The following RNF144A variants were observed in gnomAD, a reference collection of about 807,000 sequenced individuals.
The protein encoded by RNF144A is ring finger protein 144A.
RNF144A carries 11 observed loss-of-function variants against 38.7 expected under a neutral mutation model. The observed-to-expected ratio is 0.28, with a 90% CI of 0.18 to 0.47. RNF144A has a LOEUF of 0.47. Ranked by LOEUF, RNF144A falls within the 20% of genes least tolerant of loss-of-function variation. The pLI, the probability that RNF144A is intolerant of heterozygous loss-of-function variation, is 0.99. For missense variants in RNF144A, 316 were observed against 377.2 expected (o/e 0.84, Z 1.34); for synonymous variants, 149 against 143.9 (o/e 1.04, Z -0.25).
chr2:7,032,133 T>G (rs925313234), intron 8 of RNF144A, among the ~76,000 whole-genome samples: 1 of 152,244 alleles, frequency 6.6e-6, no homozygotes, highest in African/African-American at 2.4e-5. Flanking sequence ...GTCTAGAGAG[T>G]TGGTTTGAGC....
chr2:7,056,353 C>G (rs1354394244), intron 6 of RNF144A, among the ~76,000 whole-genome samples: 2 of 152,198 alleles, frequency 1.3e-5, no homozygotes, highest in Non-Finnish European at 2.9e-5. Flanking sequence ...ATGCTACCAT[C>G]AATTTCTCAG....
intron 8 of RNF144A, among the ~76,000 whole-genome samples, chr2:7,031,781 G>C (rs540834808): frequency 6.6e-6 from 1 of 152,246 alleles, no homozygotes; most frequent in Non-Finnish European, 1.5e-5. Flanking sequence ...CAGGCGATAA[G>C]ACACGCCTCC....
downstream of RNF144A, among the ~76,000 whole-genome samples, chr2:7,071,315 T>C (rs1002958173): frequency 6.6e-6 from 1 of 152,146 alleles, no homozygotes; most frequent in Non-Finnish European, 1.5e-5. Context: ...AGAAACGCAA[T>C]GGGCAGTGGC....
chr2:6,991,517 A>T (rs948933605), intron 2 of RNF144A, among the ~76,000 whole-genome samples: 11 of 152,320 alleles, frequency 7.2e-5, no homozygotes, highest in African/African-American at 2.6e-4. Flanking sequence ...CATTCAGCTG[A>T]TGAGGATATA....
At chr2:6,994,830 G>T (rs1006236689) in intron 2 of RNF144A, among the ~76,000 whole-genome samples, 1 of 152,164 alleles carries the variant, frequency 6.6e-6, no homozygotes, top group Admixed American at 6.5e-5. Context: ...GCCCACTCCC[G>T]CCCCAGACGC....
At chr2:6,922,698 C>T (rs1664615656) in intron 1 of RNF144A, among the ~76,000 whole-genome samples, 1 of 150,758 alleles carries the variant, frequency 6.6e-6, no homozygotes, top group African/African-American at 2.4e-5. Context: ...AATCTCAGCT[C>T]ACTGCAAGCT....
intron 2 of RNF144A, among the ~76,000 whole-genome samples, chr2:6,956,275 T>C (rs558881877): frequency 2.0e-5 from 3 of 152,118 alleles, no homozygotes; most frequent in Admixed American, 6.5e-5. Context: ...TGCACAGTTA[T>C]AGCCACTTAC....
chr2:7,017,888 G>A (rs1178282778), intron 5 of RNF144A, among the ~76,000 whole-genome samples: 1 of 152,172 alleles, frequency 6.6e-6, no homozygotes, highest in Non-Finnish European at 1.5e-5. Context: ...TGACCTTTTC[G>A]ATAGGGAATC....
rs1020856549 is a variant in RNF144A, at chr2:6,943,104, G to A, written c.-12+1957G>A. On this transcript the variant is annotated intron_variant, in intron 2 of 8. Coordinates refer to ENST00000320892, the MANE Select transcript of RNF144A (RefSeq NM_014746.6). This position sits in a 1 kb window ranked among gnomAD's most constrained non-coding sequence, Gnocchi z 4.3. ...TCCAGATCTGATCGTTTAAGAGGGC[G>A]GTATGTGCTGGAGATGTGATAGGAG... 6.6e-5 allele frequency among the ~76,000 whole-genome samples: 10 copies of A among 152,212 alleles called. No homozygotes were observed. The East Asian group carries it at 1.2e-3, about 18-fold the overall frequency.
chr2:6,988,649 G>A (rs13030643), intron 2 of RNF144A, among the ~76,000 whole-genome samples: 36,274 of 152,072 alleles, frequency 0.24, 5,515 homozygotes, highest in Non-Finnish European at 0.34. Context: ...CGATGCCGTC[G>A]GGGTCACCTC....
At chr2:7,046,428 TC>T (rs1673309916), downstream of RNF144A, among the ~76,000 whole-genome samples, 1 of 152,222 alleles carries the variant, frequency 6.6e-6, no homozygotes, top group Non-Finnish European at 1.5e-5. Context: ...GAGGGTGACT[TC>T]CCGTGCATGT....
At chr2:6,968,240 A>G (rs1021077846) in intron 2 of RNF144A, among the ~76,000 whole-genome samples, 1 of 152,076 alleles carries the variant, frequency 6.6e-6, no homozygotes, top group Non-Finnish European at 1.5e-5. Flanking sequence ...TATGTTCTAA[A>G]CTCTTCTGGT....
At chr2:7,020,948 A>G (rs934112543) in intron 6 of RNF144A, among the ~76,000 whole-genome samples, 3 of 152,220 alleles carry the variant, frequency 2.0e-5, no homozygotes, top group African/African-American at 4.8e-5. Flanking sequence ...GGCTGGAATG[A>G]CAAATGCATG....
At chr2:6,961,754 A>C (rs1303404257) in intron 2 of RNF144A, among the ~76,000 whole-genome samples, 2 of 152,162 alleles carry the variant, frequency 1.3e-5, no homozygotes, top group East Asian at 3.9e-4. Context: ...TCCAACCTTA[A>C]AGCCCAGCAT....
intron 5 of RNF144A, among the ~76,000 whole-genome samples, chr2:7,016,818 A>G (rs1671169844): frequency 6.6e-6 from 1 of 152,136 alleles, no homozygotes; most frequent in Non-Finnish European, 1.5e-5. Context: ...AAACTGAGAC[A>G]GTTCAATGAT....
the RNF144A span, chr2:7,074,836 G>A: frequency 6.5e-6 from 1 of 153,054 alleles, no homozygotes; most frequent in African/African-American, 2.4e-5. Context: ...AAGAAAGAAG[G>A]AGGGGGGGAA....
intron 8 of RNF144A, 44 bp downstream of exon 8, chr2:7,030,259 G>C (rs1226929484): frequency 3.9e-5 from 3 of 76,444 alleles, no homozygotes; most frequent in African/African-American, 2.5e-4. Flanking sequence ...GAGAGAGACT[G>C]TGTGTGTGTG....
At chr2:6,978,029 G>A (rs1558400185) in intron 2 of RNF144A, among the ~76,000 whole-genome samples, 1 of 152,124 alleles carries the variant, frequency 6.6e-6, no homozygotes, top group East Asian at 1.9e-4. Flanking sequence ...TCAGCTTGGG[G>A]AACCCATAGA....
chr2:6,929,289 T>G (rs1275025791), intron 1 of RNF144A, among the ~76,000 whole-genome samples: 1 of 152,124 alleles, frequency 6.6e-6, no homozygotes. Flanking sequence ...AATACTGCCC[T>G]CGCCACCATA....
Sources: gnomAD v4.1 joint callset for allele counts (sites outside exome capture counted in the v4.1 genomes callset) on GRCh38, gnomAD v4.1.1 for gene constraint, Gnocchi (gnomAD v3.1) non-coding constraint, MANE v1.5 for transcripts, NCBI Gene and HGNC (gene_info 2026-07-23, HGNC 2026-07-21) for gene names.